The following NCOR2 variants were observed in gnomAD, a reference collection of about 807,000 sequenced individuals.
NCOR2 encodes nuclear receptor corepressor 2, also known as CTG repeat protein 26.
NCOR2 carries 81 observed loss-of-function variants against 262.9 expected under a neutral mutation model. The ratio of observed to expected loss-of-function variants is 0.31; its 90% CI spans 0.26 to 0.37. The LOEUF is 0.37. Among genes scored for constraint, NCOR2 ranks in the 10% least tolerant of loss-of-function variants. NCOR2 has a pLI of 1.00. For synonymous variants in NCOR2, 1,659 were observed against 1,559.3 expected, an observed-to-expected ratio of 1.06 and a Z score of -1.51; for missense variants, 3,385 against 3,621.4, an observed-to-expected ratio of 0.93 and a Z score of 1.68.
chr12:124,376,976 G>A (rs755303694), intron 18 of NCOR2, among the ~76,000 whole-genome samples: 3 of 152,226 alleles, frequency 2.0e-5, no homozygotes, highest in African/African-American at 4.8e-5. Flanking sequence ...CTTCGGTCAC[G>A]CCACAGGGGG....
chr12:124,377,488 CGACT>C (rs1198643358), intron 18 of NCOR2, among the ~76,000 whole-genome samples: 1 of 152,096 alleles, frequency 6.6e-6, no homozygotes, highest in Non-Finnish European at 1.5e-5. Context: ...CAATATTTAC[CGACT>C]GACAGATAGG....
intron 1 of NCOR2, among the ~76,000 whole-genome samples, chr12:124,490,728 A>G (rs12580511): frequency 0.24 from 37,038 of 152,136 alleles, 5,481 homozygotes; most frequent in East Asian, 0.62. Context: ...GGCAGTCTCC[A>G]GGGTCTGGGA....
At chr12:124,402,610 C>T (rs1452161901) in intron 13 of NCOR2, 49 bp from the exon 16 acceptor site, 20 of 1,543,134 alleles carry the variant, frequency 1.3e-5, no homozygotes, top group East Asian at 9.8e-5. Context: ...GGAAGAAAAC[C>T]GTGAACAGGT....
intron 3 of NCOR2, among the ~76,000 whole-genome samples, chr12:124,477,291 C>T (rs953493653): frequency 1.3e-5 from 2 of 152,196 alleles, no homozygotes; most frequent in Admixed American, 6.5e-5. Context: ...GGGGCTTTCC[C>T]CACTTTTGCT....
chr12:124,349,500 C>T (rs926939901), intron 28 of NCOR2, among the ~76,000 whole-genome samples: 1 of 152,098 alleles, frequency 6.6e-6, no homozygotes, highest in Non-Finnish European at 1.5e-5. Context: ...CAGATAAAAA[C>T]GGAGATGAGA....
exon 20 of NCOR2, chr12:124,372,269 C>A (rs1272872834): frequency 1.3e-6 from 2 of 1,572,174 alleles, no homozygotes; most frequent in East Asian, 4.5e-5. Context: ...TTCCCTGTGT[C>A]CACTGCCAGC....
intron 24 of NCOR2, 155 bp downstream of exon 26, chr12:124,355,277 G>A (rs937108729): frequency 4.5e-6 from 4 of 890,262 alleles, no homozygotes; most frequent in Admixed American, 2.8e-5. Flanking sequence ...CTGAGTGCCT[G>A]GGGCAGGACC....
chr12:124,402,442 C>T (rs1473981913), exon 14 of NCOR2: 9 of 1,614,014 alleles, frequency 5.6e-6, no homozygotes, highest in Non-Finnish European at 7.6e-6. Context: ...CCTCCGGCTT[C>T]TCCTCCTCCT....
chr12:124,335,184 G>A, exon 40 of NCOR2: 1 of 1,611,658 alleles, frequency 6.2e-7, no homozygotes, highest in East Asian at 2.2e-5. Context: ...TTTGACCCCT[G>A]GGGCGGTCTG....
intron 44 of NCOR2, chr12:124,329,174 A>T: frequency 2.1e-6 from 1 of 469,156 alleles, no homozygotes; most frequent in Non-Finnish European, 4.4e-6. Flanking sequence ...AAAAAGAAAA[A>T]ATCAGGCTGG....
chr12:124,553,944 G>C (rs1025445830), intron 1 of NCOR2, among the ~76,000 whole-genome samples: 9 of 152,148 alleles, frequency 5.9e-5, no homozygotes, highest in African/African-American at 1.9e-4. Context: ...TGGGGGAGCT[G>C]GGGAACCAGA....
chr12:124,464,088 CAAGGGCT>C (rs1215122094), intron 5 of NCOR2, among the ~76,000 whole-genome samples: 2 of 152,158 alleles, frequency 1.3e-5, no homozygotes, highest in Non-Finnish European at 2.9e-5. Flanking sequence ...CCCATGGGGA[CAAGGGCT>C]AAGGAGAATC....
chr12:124,406,993 A>C (rs549374531), intron 13 of NCOR2, among the ~76,000 whole-genome samples: 12 of 152,360 alleles, frequency 7.9e-5, no homozygotes, highest in African/African-American at 2.9e-4. Flanking sequence ...AGTTTTATGG[A>C]TGAGAATGCA....
intron 13 of NCOR2, among the ~76,000 whole-genome samples, chr12:124,404,329 G>A (rs939443013): frequency 2.0e-5 from 3 of 152,206 alleles, no homozygotes; most frequent in Admixed American, 1.3e-4. Flanking sequence ...TCTGGGCAGG[G>A]CCGGGGCTTT....
exon 45 of NCOR2, chr12:124,327,523 A>G (rs770920489): frequency 6.2e-7 from 1 of 1,612,570 alleles, no homozygotes. Flanking sequence ...AGCGGCGGGG[A>G]CTCTTCCCAC....
chr12:124,400,446 C>A, intron 15 of NCOR2, 55 bp downstream of exon 17: 1 of 1,585,178 alleles, frequency 6.3e-7, no homozygotes. Context: ...CATATGAGCG[C>A]AACCCGCCGT....
chr12:124,465,906 A>G (rs1451062335), intron 5 of NCOR2, among the ~76,000 whole-genome samples: 1 of 152,136 alleles, frequency 6.6e-6, no homozygotes, highest in African/African-American at 2.4e-5. Flanking sequence ...TGGAGCCCAA[A>G]ACCTCTGTTT....
intron 11 of NCOR2, 51 bp from the exon 14 acceptor site, chr12:124,422,606 G>A: frequency 6.2e-7 from 1 of 1,606,898 alleles, no homozygotes. Context: ...GGGCTTTCCT[G>A]CGGGGCAGCC....
chr12:124,336,953 G>T (rs2035949613), exon 38 of NCOR2: 2 of 1,538,298 alleles, frequency 1.3e-6, no homozygotes, highest in Admixed American at 2.1e-5. Flanking sequence ...GCCCTTGCTG[G>T]GGGAGGAGGC....
Sources: allele counts gnomAD v4.1 joint callset (sites outside exome capture counted in the v4.1 genomes callset), GRCh38; gene constraint gnomAD v4.1.1; transcripts MANE v1.5; gene names NCBI Gene and HGNC (gene_info 2026-07-23, HGNC 2026-07-21).